Variants in SCRT1 observed in about 807,000 individuals in gnomAD.
The protein encoded by SCRT1 is scratch family transcriptional repressor 1.
SCRT1 carries 1 observed loss-of-function variant against 3.4 expected under a neutral mutation model. The observed-to-expected ratio is 0.29, with a 90% CI of 0.10 to 1.39. The LOEUF (loss-of-function observed/expected upper bound fraction) is 1.39. Among genes scored for constraint, SCRT1 ranks in the 40% most tolerant of loss-of-function variants. SCRT1 has a pLI of 0.42. For synonymous variants in SCRT1, 238 were observed against 247.0 expected, an observed-to-expected ratio of 0.96 and a Z score of 0.34; for missense variants, 380 against 526.3, an observed-to-expected ratio of 0.72 and a Z score of 2.72.
intron 1 of SCRT1, among the ~76,000 whole-genome samples, chr8:144,334,985 A>T (rs973945003): frequency 7.9e-5 from 12 of 152,094 alleles, no homozygotes; most frequent in Non-Finnish European, 1.3e-4. Flanking sequence ...CATCACTTAT[A>T]CCGGTAGCTG....
In SCRT1 at chr8:144,335,673, G is replaced by A. The variant is rs1193719254; in HGVS notation, c.115+382C>T. Among the ~76,000 whole-genome samples the A allele has an allele frequency of 9.2e-5, 14 of 152,218 alleles. No homozygotes were observed. The highest frequency in any genetic ancestry group is 6.5e-4 in the Admixed American group (10 of 15,286). ...GGTGTCCTGGTGCAGTCAAGGAAGAGGAGAGGGTGGCGAGGCGGCCCTGGT... is the reference window on the plus strand; with the variant it reads ...GGTGTCCTGGTGCAGTCAAGGAAGAAGAGAGGGTGGCGAGGCGGCCCTGGT... On this transcript the variant is annotated intron_variant, in intron 1 of 1. Coordinates refer to ENST00000569446, the MANE Select transcript of SCRT1 (RefSeq NM_031309.6). This position sits in a 1 kb window ranked among gnomAD's most constrained non-coding sequence, Gnocchi z 7.7.
At position 144,332,188 on chromosome 8, in the gene SCRT1, C is replaced by G. The variant is rs1255214149; in HGVS notation, c.*997G>C. The G allele has an allele frequency of 6.6e-6, 1 of 152,252 alleles. No individual in the cohort carries two copies. Among genetic ancestry groups the G allele is most frequent in the Admixed American group, 6.5e-5 (1 of 15,282 alleles). The allele number at this position is 152,252 out of a possible 1,614,324, so 9.4% of individuals were successfully genotyped here. A position where few individuals can be genotyped will look rare whatever the true frequency, so the allele number is the denominator to read the frequency against. The stretch of plus-strand genomic sequence containing the variant: ...ATCCCAGGCCCCCGGCGTCGGCGGG[C>G]AAGATGGGGGTTCAGCGCCCCCTCC... On this transcript the variant is annotated 3_prime_UTR_variant, in exon 2 of 2. Coordinates refer to ENST00000569446, the MANE Select transcript of SCRT1 (RefSeq NM_031309.6).
rs529215513 is a variant in SCRT1 at position 144,335,080 on chromosome 8, C to T, written c.116-964G>A. ...TCGCGACGCTCTGCCTCCTTCAGGG[C>T]TACACCCAGTCTCCCAGCATGATCA... On this transcript the variant is annotated intron_variant, in intron 1 of 1. Coordinates refer to ENST00000569446, the MANE Select transcript of SCRT1 (RefSeq NM_031309.6). The surrounding 1 kb of genome is among the most constrained non-coding windows in gnomAD (Gnocchi z 7.7). Among the ~76,000 whole-genome samples, 2 of 152,350 alleles carry T rather than the reference C, an allele frequency of 1.3e-5. No homozygotes were observed. The highest frequency in any genetic ancestry group is 4.1e-4 in the South Asian group (2 of 4,826).
In SCRT1 at chr8:144,331,911, G is replaced by A. The variant is rs1588692956; in HGVS notation, c.*1274C>T. 3 of 152,498 alleles carry A rather than the reference G, an allele frequency of 2.0e-5. No homozygotes were observed. In the East Asian group the frequency reaches 5.8e-4, roughly 29 times the overall value. The allele number at this position is 152,498 out of a possible 1,614,324, so 9.4% of individuals were successfully genotyped here. A position where few individuals can be genotyped will look rare whatever the true frequency, so the allele number is the denominator to read the frequency against. ...AGCGGGCAGCCCCGGGTAGGATCGG[G>A]AGGAGGGGTGGGGCTGCATGCAGTG... On this transcript the variant is annotated 3_prime_UTR_variant, in exon 2 of 2. Transcript: ENST00000569446.
rs990215570 is a variant in SCRT1, at chr8:144,332,288, C to T, written c.*897G>A. The stretch of plus-strand genomic sequence containing the variant: ...AGAAACCCGACGCGTCCGCAACCCC[C>T]CCAGGGGGCTTTACCCGCAAAGCGA... On this transcript the variant is annotated 3_prime_UTR_variant, in exon 2 of 2. Transcript: ENST00000569446. The T allele has an allele frequency of 2.0e-5, 3 of 152,180 alleles. No individual in the cohort carries two copies. Among genetic ancestry groups the T allele is most frequent in the Non-Finnish European group, 4.4e-5 (3 of 68,044 alleles). The allele number at this position is 152,180 out of a possible 1,614,324, so 9.4% of individuals were successfully genotyped here. A position where few individuals can be genotyped will look rare whatever the true frequency, so the allele number is the denominator to read the frequency against.
rs1588692387 is a variant in SCRT1 at position 144,331,284 on chromosome 8, G to A, written c.*1901C>T. 1 of 152,382 alleles carries A rather than the reference G, an allele frequency of 6.6e-6. No homozygotes were observed. Among genetic ancestry groups the A allele is most frequent in the East Asian group, 1.9e-4 (1 of 5,182 alleles). 9.4% of individuals were successfully genotyped at this position (152,382 alleles called of 1,614,324 possible). A position where few individuals can be genotyped will look rare whatever the true frequency, so the allele number is the denominator to read the frequency against. ...ATGGCTCTGCCCCTGGCTGGACATG[G>A]CAGATGTGTGTTGGCCAGAGGATCA... is the stretch of plus-strand genomic sequence containing the variant. On this transcript the variant is annotated 3_prime_UTR_variant, in exon 2 of 2. Transcript: ENST00000569446.
Position 144,333,809 on chromosome 8 carries a change from C to G in SCRT1, c.423G>C (p.Ser141=). The G allele has an allele frequency of 8.2e-7, 1 of 1,220,196 alleles. No homozygotes were observed. The highest frequency in any genetic ancestry group is 1.0e-6 in the Non-Finnish European group (1 of 980,904). The allele number at this position is 1,220,196 out of a possible 1,614,324, so 75.6% of individuals were successfully genotyped here. A position where few individuals can be genotyped will look rare whatever the true frequency, so the allele number is the denominator to read the frequency against. ...AGAAAAPSTA[S]AAAPDGDAGG... is the part of the protein sequence containing the mutation. ...CGGCGTCGCCGTCGGGGGCCGCCGCCGAGGCTGTGGAGGGAGCGGCGGCAG... is the reference window on the plus strand; with the variant it reads ...CGGCGTCGCCGTCGGGGGCCGCCGCGGAGGCTGTGGAGGGAGCGGCGGCAG... The change falls in exon 2 of 2, where the codon TCG becomes TCC. Residue 141 remains serine, a synonymous_variant. Coordinates refer to ENST00000569446, the MANE Select transcript of SCRT1 (RefSeq NM_031309.6).
In SCRT1 at chr8:144,333,183, C is replaced by A; in HGVS notation, c.*2G>T. ...GACCTGGCTGGGGGAGGCCCCGCCGCCCTAGGCCTGCACAGGGCTGAGCTG... is the reference window on the plus strand; with the variant it reads ...GACCTGGCTGGGGGAGGCCCCGCCGACCTAGGCCTGCACAGGGCTGAGCTG... On this transcript the variant is annotated 3_prime_UTR_variant, in exon 2 of 2. Transcript: ENST00000569446. 1 of 1,535,596 alleles carries A rather than the reference C, an allele frequency of 6.5e-7. No homozygotes were observed. Among genetic ancestry groups the A allele is most frequent in the East Asian group, 2.3e-5 (1 of 42,640 alleles).
chr8:144,336,064 G>A lies in SCRT1; in HGVS notation c.106C>T (p.His36Tyr). The change falls in exon 1 of 2, where the codon CAC (histidine) becomes TAC (tyrosine). Residue 36 changes from histidine (H) to tyrosine (Y), a missense_variant. Physicochemically the swap from His to Tyr is moderately conservative, Grantham distance 83. Around this residue, in one of 5 missense-constraint regions of SCRT1, gnomAD observed 125 missense variants for 132.7 expected, o/e 0.94. Transcript: ENST00000569446. The surrounding 1 kb of genome is among the most constrained non-coding windows in gnomAD (Gnocchi z 6.8). ...TCAGACCAGCGCTCACCTTTATCGT[G>A]CAGTGGCGCGCCGAGGTCGCTGCGG... ...RARSDLGAPL[H>Y]DKGYLSDYVG... 6.2e-7 allele frequency: 1 copy of A among 1,603,374 alleles called. No individual in the cohort carries two copies. Among genetic ancestry groups the A allele is most frequent in the Non-Finnish European group, 8.5e-7 (1 of 1,175,008 alleles).
In SCRT1 at chr8:144,331,960, G is replaced by T. The variant is rs947908316; in HGVS notation, c.*1225C>A. On this transcript the variant is annotated 3_prime_UTR_variant, in exon 2 of 2. Transcript: ENST00000569446. ...TGACGTCACAAAGGCGGCGGCCAAT[G>T]GGGCGGGCCCTTGGGGCGGGGTCGC... The T allele has an allele frequency of 6.6e-6, 1 of 152,066 alleles. No individual in the cohort carries two copies. Among genetic ancestry groups the T allele is most frequent in the Non-Finnish European group, 1.5e-5 (1 of 68,026 alleles). 9.4% of individuals were successfully genotyped at this position (152,066 alleles called of 1,614,324 possible). A position where few individuals can be genotyped will look rare whatever the true frequency, so the allele number is the denominator to read the frequency against.
chr8:144,335,086 C>T lies in SCRT1; in HGVS notation c.115+969G>A, dbSNP rs946992239. Reference sequence around the variant, plus strand: ...CGCTCTGCCTCCTTCAGGGCTACACCCAGTCTCCCAGCATGATCAGCCCTT... The same window carrying T: ...CGCTCTGCCTCCTTCAGGGCTACACTCAGTCTCCCAGCATGATCAGCCCTT... On this transcript the variant is annotated intron_variant, in intron 1 of 1. Transcript: ENST00000569446. The surrounding 1 kb of genome is among the most constrained non-coding windows in gnomAD (Gnocchi z 7.7). Among the ~76,000 whole-genome samples, 1 of 152,200 alleles carries T rather than the reference C, an allele frequency of 6.6e-6. No homozygotes were observed. The highest frequency in any genetic ancestry group is 6.5e-5 in the Admixed American group (1 of 15,286).
chr8:144,331,009 T>C lies in SCRT1; in HGVS notation c.*2176A>G, dbSNP rs1817730343. The C allele has an allele frequency of 6.6e-6, 1 of 152,412 alleles. No individual in the cohort carries two copies. The highest frequency in any genetic ancestry group is 2.4e-5 in the African/African-American group (1 of 41,376). The allele number at this position is 152,412 out of a possible 1,614,324, so 9.4% of individuals were successfully genotyped here. On this transcript the variant is annotated 3_prime_UTR_variant, in exon 2 of 2. Coordinates refer to ENST00000569446, the MANE Select transcript of SCRT1 (RefSeq NM_031309.6). ...ACGGGCCCACAGCCCTCCAGCTTTC[T>C]CCTTAGGTAGGTAGACAGGAGTATG...
In SCRT1 at chr8:144,335,130, G is replaced by A. The variant is rs1817867891; in HGVS notation, c.115+925C>T. Among the ~76,000 whole-genome samples, 1 of 152,170 alleles carries A rather than the reference G, an allele frequency of 6.6e-6. No individual in the cohort carries two copies. Among genetic ancestry groups the A allele is most frequent in the Non-Finnish European group, 1.5e-5 (1 of 68,032 alleles). ...AGCCCTTGTGTGCCCTCACAGGGTG[G>A]GCTGCACACTGATGTGCCGAACTCA... On this transcript the variant is annotated intron_variant, in intron 1 of 1. Coordinates refer to ENST00000569446, the MANE Select transcript of SCRT1 (RefSeq NM_031309.6). This position sits in a 1 kb window ranked among gnomAD's most constrained non-coding sequence, Gnocchi z 7.7.
In SCRT1 at chr8:144,331,067, G is replaced by C. The variant is rs1390686341; in HGVS notation, c.*2118C>G. 2 of 152,544 alleles carry C rather than the reference G, an allele frequency of 1.3e-5. No individual in the cohort carries two copies. Among genetic ancestry groups the C allele is most frequent in the Non-Finnish European group, 2.9e-5 (2 of 68,118 alleles). 9.4% of individuals were successfully genotyped at this position (152,544 alleles called of 1,614,324 possible). A position where few individuals can be genotyped will look rare whatever the true frequency, so the allele number is the denominator to read the frequency against. On this transcript the variant is annotated 3_prime_UTR_variant, in exon 2 of 2. Coordinates refer to ENST00000569446, the MANE Select transcript of SCRT1 (RefSeq NM_031309.6). ...GTGAGGTGGGGGCGCCTGTGTGTGC[G>C]TGTGCATGCGGCACAGGTGGGCAGG...
In SCRT1 at chr8:144,333,177, C is replaced by G. The variant is rs782026792; in HGVS notation, c.*8G>C. ...AGAGCCGACCTGGCTGGGGGAGGCCCCGCCGCCCTAGGCCTGCACAGGGCT... is the reference window on the plus strand; with the variant it reads ...AGAGCCGACCTGGCTGGGGGAGGCCGCGCCGCCCTAGGCCTGCACAGGGCT... On this transcript the variant is annotated 3_prime_UTR_variant, in exon 2 of 2. Coordinates refer to ENST00000569446, the MANE Select transcript of SCRT1 (RefSeq NM_031309.6). 2.1e-5 allele frequency: 32 copies of G among 1,502,450 alleles called. No individual in the cohort carries two copies. Among genetic ancestry groups the G allele is most frequent in the Non-Finnish European group, 2.7e-5 (31 of 1,130,772 alleles). 93.1% of individuals were successfully genotyped at this position (1,502,450 alleles called of 1,614,324 possible).
At position 144,335,046 on chromosome 8, in the gene SCRT1, G is replaced by A. The variant is rs184738103; in HGVS notation, c.116-930C>T. The stretch of plus-strand genomic sequence containing the variant: ...ATCTCATAACCTCAAAGTCACAAAT[G>A]CACGCCCCTCGCGACGCTCTGCCTC... On this transcript the variant is annotated intron_variant, in intron 1 of 1. Coordinates refer to ENST00000569446, the MANE Select transcript of SCRT1 (RefSeq NM_031309.6). The surrounding 1 kb of genome is among the most constrained non-coding windows in gnomAD (Gnocchi z 7.7). Among the ~76,000 whole-genome samples, 152 of 152,146 alleles carry A rather than the reference G, an allele frequency of 1.0e-3. No individual in the cohort carries two copies. The highest frequency in any genetic ancestry group is 1.6e-3 in the Admixed American group (25 of 15,272).
At position 144,333,683 on chromosome 8, in the gene SCRT1, C is replaced by CCCTGGCCCCGCGCGCGCCTCGGTG; in HGVS notation, c.525_548dup (p.Thr176_Gly183dup). ...CGTGCCGGCCGCCAGCACCTGCGGC[C>CCCTGGCCCCGCGCGCGCCTCGGTG]CCTGGCCCCGCGCGCGCCTCGGTGC... On this transcript the variant is annotated inframe_insertion, in exon 2 of 2. Transcript: ENST00000569446. 6.9e-7 allele frequency: 1 copy of CCCTGGCCCCGCGCGCGCCTCGGTG among 1,446,134 alleles called. No individual in the cohort carries two copies. The highest frequency in any genetic ancestry group is 9.0e-7 in the Non-Finnish European group (1 of 1,108,600). 89.6% of individuals were successfully genotyped at this position (1,446,134 alleles called of 1,614,324 possible). A position where few individuals can be genotyped will look rare whatever the true frequency, so the allele number is the denominator to read the frequency against.
chr8:144,335,998 T>A lies in SCRT1; in HGVS notation c.115+57A>T. Reference sequence around the variant, plus strand: ...GCCCTCCGCCCCCACACTCTGGCCCTCCACCGCTTCCAGCAAAGCCCCAGG... The same window carrying A: ...GCCCTCCGCCCCCACACTCTGGCCCACCACCGCTTCCAGCAAAGCCCCAGG... On this transcript the variant is annotated intron_variant, in intron 1 of 1. Transcript: ENST00000569446. This position sits in a 1 kb window ranked among gnomAD's most constrained non-coding sequence, Gnocchi z 7.7. 1 of 1,242,878 alleles carries A rather than the reference T, an allele frequency of 8.0e-7. No homozygotes were observed. The highest frequency in any genetic ancestry group is 1.1e-6 in the Non-Finnish European group (1 of 904,234). The allele number at this position is 1,242,878 out of a possible 1,614,324, so 77.0% of individuals were successfully genotyped here.
Position 144,336,028 on chromosome 8 carries a change from G to C in SCRT1, c.115+27C>G, listed in dbSNP as rs1554850248. 2.7e-6 allele frequency: 4 copies of C among 1,498,930 alleles called. No homozygotes were observed. Among genetic ancestry groups the C allele is most frequent in the Non-Finnish European group, 3.6e-6 (4 of 1,109,276 alleles). The allele number at this position is 1,498,930 out of a possible 1,614,324, so 92.9% of individuals were successfully genotyped here. ...CGCTTCCAGCAAAGCCCCAGGCCCC[G>C]CGCCCTGGTCTCAGACCAGCGCTCA... On this transcript the variant is annotated intron_variant, in intron 1 of 1. Coordinates refer to ENST00000569446, the MANE Select transcript of SCRT1 (RefSeq NM_031309.6). This position sits in a 1 kb window ranked among gnomAD's most constrained non-coding sequence, Gnocchi z 6.8.
Sources: allele counts gnomAD v4.1 joint callset (sites outside exome capture counted in the v4.1 genomes callset), GRCh38; gene constraint gnomAD v4.1.1; regional missense constraint gnomAD v4.1.1; non-coding constraint Gnocchi (gnomAD v3.1); transcripts MANE v1.5; gene names NCBI Gene and HGNC (gene_info 2026-07-23, HGNC 2026-07-21).